CTDSPL: variants seen among roughly 807,000 people sequenced by gnomAD.
CTDSPL encodes CTD small phosphatase-like protein.
CTDSPL carries 8 observed loss-of-function variants against 30.5 expected under a neutral mutation model. The ratio of observed to expected loss-of-function variants is 0.26; its 90% CI spans 0.15 to 0.47. CTDSPL has a LOEUF of 0.47. Among genes scored for constraint, CTDSPL ranks in the 20% least tolerant of loss-of-function variants. The pLI is 0.99. For missense variants in CTDSPL, 248 were observed against 366.1 expected (o/e 0.68, Z 2.63); for synonymous variants, 110 against 137.9 (o/e 0.80, Z 1.42).
At chr3:37,952,160 G>C (rs1047391574) in intron 2 of CTDSPL, among the ~76,000 whole-genome samples, 2 of 152,068 alleles carry the variant, frequency 1.3e-5, no homozygotes, top group Non-Finnish European at 2.9e-5. Context: ...CTGGGTGCTA[G>C]AGCAAGATCC....
intron 2 of CTDSPL, 130 bp from the exon 3 acceptor site, chr3:37,956,981 T>C (rs1699181524): frequency 1.3e-6 from 1 of 797,556 alleles, no homozygotes; most frequent in Non-Finnish European, 2.1e-6. Context: ...CTCCTGTTGA[T>C]TAAACACCAC....
chr3:37,908,195 T>G (rs1698539607), intron 1 of CTDSPL, among the ~76,000 whole-genome samples: 1 of 152,236 alleles, frequency 6.6e-6, no homozygotes, highest in Non-Finnish European at 1.5e-5. Flanking sequence ...TCAGGCTCAC[T>G]TTTGGAAACT....
At chr3:37,905,384 T>C (rs565777974) in intron 1 of CTDSPL, among the ~76,000 whole-genome samples, 1 of 152,254 alleles carries the variant, frequency 6.6e-6, no homozygotes, top group South Asian at 2.1e-4. Flanking sequence ...TCTCAATGAT[T>C]CATTCTTTTT....
intron 1 of CTDSPL, among the ~76,000 whole-genome samples, chr3:37,928,682 A>C (rs1698814814): frequency 1.3e-5 from 2 of 150,886 alleles, no homozygotes; most frequent in African/African-American, 4.9e-5. Context: ...TTTTTTGGAT[A>C]CTCTTTTATT....
intron 7 of CTDSPL, among the ~76,000 whole-genome samples, chr3:37,979,120 T>A (rs1699461036): frequency 6.6e-6 from 1 of 152,148 alleles, no homozygotes; most frequent in Non-Finnish European, 1.5e-5. Flanking sequence ...CTATGCAGTT[T>A]AGGAATTTTT....
chr3:37,879,281 C>T (rs568829468), intron 1 of CTDSPL, among the ~76,000 whole-genome samples: 9 of 152,278 alleles, frequency 5.9e-5, no homozygotes, highest in Admixed American at 1.3e-4. Context: ...GGCCAGAGTC[C>T]CAGAGTTGGC....
chr3:37,889,372 G>A (rs949521384), intron 1 of CTDSPL, among the ~76,000 whole-genome samples: 4 of 151,950 alleles, frequency 2.6e-5, no homozygotes, highest in African/African-American at 9.7e-5. Flanking sequence ...AGGAGATCTT[G>A]GAAAATAAAA....
Position 37,892,804 on chromosome 3 carries a change from A to G in CTDSPL, c.79+30526A>G, listed in dbSNP as rs74906226. Among the ~76,000 whole-genome samples, 848 of 152,322 alleles carry G rather than the reference A, an allele frequency of 5.6e-3. 5 individuals carry two copies. Among genetic ancestry groups the G allele is most frequent in the African/African-American group, 0.02 (820 of 41,570 alleles). ...GGGATAGTATAAGAAAGCTGGAACG[A>G]TGTCTGACAATAAATACTTAATAAG... On this transcript the variant is annotated intron_variant, in intron 1 of 7. Transcript: ENST00000273179.
intron 1 of CTDSPL, among the ~76,000 whole-genome samples, chr3:37,938,678 GGTTTTTTTTTT>G (rs1698941724): frequency 1.5e-5 from 2 of 136,378 alleles, no homozygotes; most frequent in African/African-American, 5.9e-5. Flanking sequence ...TTTTTTTGTG[GGTTTTTTTTTT>G]GTTTTTTTTG....
At chr3:37,871,399 A>G (rs1698069776) in intron 1 of CTDSPL, among the ~76,000 whole-genome samples, 1 of 152,228 alleles carries the variant, frequency 6.6e-6, no homozygotes, top group Admixed American at 6.5e-5. Context: ...GCCCTTATGA[A>G]TAAAGCTACT....
At chr3:37,894,604 G>A (rs879771452) in intron 1 of CTDSPL, among the ~76,000 whole-genome samples, 1 of 151,928 alleles carries the variant, frequency 6.6e-6, no homozygotes, top group Non-Finnish European at 1.5e-5. Context: ...TCTTAAATCT[G>A]TAAATTTAAA....
At position 37,983,922 on chromosome 3, in the gene CTDSPL, T is replaced by C; in HGVS notation, c.*3055T>C. On this transcript the variant is annotated 3_prime_UTR_variant, in exon 8 of 8. Coordinates refer to ENST00000273179, the MANE Select transcript of CTDSPL (RefSeq NM_001008392.2). The stretch of plus-strand genomic sequence containing the variant: ...TGGGGACACGAGGATGCCCTAATGA[T>C]GCTGACTTGTCATGGTTGCAGCATT... 1 of 212,998 alleles carries C rather than the reference T, an allele frequency of 4.7e-6. No homozygotes were observed. Among genetic ancestry groups the C allele is most frequent in the Non-Finnish European group, 1.0e-5 (1 of 100,212 alleles). The allele number at this position is 212,998 out of a possible 1,614,324, so 13.2% of individuals were successfully genotyped here.
At chr3:37,946,466 T>A (rs1407931739) in intron 1 of CTDSPL, among the ~76,000 whole-genome samples, 1 of 152,238 alleles carries the variant, frequency 6.6e-6, no homozygotes, top group Non-Finnish European at 1.5e-5. Flanking sequence ...CTAAGCTCTG[T>A]GGATCCAGGC....
At position 37,862,267 on chromosome 3, in the gene CTDSPL, C is replaced by T; in HGVS notation, c.68C>T (p.Ala23Val). 6.7e-7 allele frequency: 1 copy of T among 1,494,776 alleles called. No individual in the cohort carries two copies. The highest frequency in any genetic ancestry group is 8.9e-7 in the Non-Finnish European group (1 of 1,125,518). 92.6% of individuals were successfully genotyped at this position (1,494,776 alleles called of 1,614,324 possible). Reference sequence around the variant, plus strand: ...GAGGACGAGGGCCGGTTGCCGGGCGCGGGCGAGAAAGGTGAGGAGGGGCGC... The same window carrying T: ...GAGGACGAGGGCCGGTTGCCGGGCGTGGGCGAGAAAGGTGAGGAGGGGCGC... ...PKEDEGRLPG[A>V]GEKASQCNVS... The change falls in exon 1 of 8, where the codon GCG (alanine) becomes GTG (valine). Residue 23 changes from alanine (A) to valine (V), a missense_variant. Ala to Val is a moderately conservative substitution (Grantham distance 64, BLOSUM62 0). This residue lies in a region of CTDSPL where 118 missense variants were observed against 124.7 expected (regional missense o/e 0.95). Coordinates refer to ENST00000273179, the MANE Select transcript of CTDSPL (RefSeq NM_001008392.2). This position sits in a 1 kb window ranked among gnomAD's most constrained non-coding sequence, Gnocchi z 4.3.
chr3:37,962,019 C>A (rs10222623), intron 3 of CTDSPL, among the ~76,000 whole-genome samples: 1 of 152,200 alleles, frequency 6.6e-6, no homozygotes, highest in African/African-American at 2.4e-5. Flanking sequence ...CCACCCACCC[C>A]CCGGCAATGC....
At chr3:37,871,650 T>G (rs1698072698) in intron 1 of CTDSPL, among the ~76,000 whole-genome samples, 1 of 152,260 alleles carries the variant, frequency 6.6e-6, no homozygotes, top group African/African-American at 2.4e-5. Context: ...TCTTGGTTTA[T>G]GTCTTTGCTA....
chr3:37,879,776 T>C (rs1698180641), intron 1 of CTDSPL, among the ~76,000 whole-genome samples: 1 of 152,224 alleles, frequency 6.6e-6, no homozygotes, highest in African/African-American at 2.4e-5. Context: ...ATGTGAACTC[T>C]GACAAGTTAT....
Position 37,980,947 on chromosome 3 carries a change from G to T in CTDSPL, c.*80G>T. The T allele has an allele frequency of 6.6e-7, 1 of 1,512,530 alleles. No individual in the cohort carries two copies. The highest frequency in any genetic ancestry group is 8.9e-7 in the Non-Finnish European group (1 of 1,118,106). The allele number at this position is 1,512,530 out of a possible 1,614,324, so 93.7% of individuals were successfully genotyped here. ...GACCTGCCTGTCCTCAGCTCCCTGG[G>T]AGCTGAAAGTGAGGATACTCCGTGC... On this transcript the variant is annotated 3_prime_UTR_variant, in exon 8 of 8. Coordinates refer to ENST00000273179, the MANE Select transcript of CTDSPL (RefSeq NM_001008392.2).
At chr3:37,863,182 GC>G (rs1000547154) in intron 1 of CTDSPL, among the ~76,000 whole-genome samples, 1 of 152,218 alleles carries the variant, frequency 6.6e-6, no homozygotes, top group Non-Finnish European at 1.5e-5. Context: ...ACAAGGCCTG[GC>G]CCTTCCAGGG....
Sources: allele counts gnomAD v4.1 joint callset (sites outside exome capture counted in the v4.1 genomes callset), GRCh38; gene constraint gnomAD v4.1.1; regional missense constraint gnomAD v4.1.1; non-coding constraint Gnocchi (gnomAD v3.1); transcripts MANE v1.5; gene names NCBI Gene and HGNC (gene_info 2026-07-23, HGNC 2026-07-21).